Variants in SON observed in about 807,000 individuals in gnomAD.
SON encodes the protein SON DNA and RNA binding protein, also known as protein SON.
In SON, 4 loss-of-function variants were observed where a neutral mutation model predicts 173.3. The ratio of observed to expected loss-of-function variants is 0.02; its 90% confidence interval spans 0.01 to 0.05. The LOEUF (loss-of-function observed/expected upper bound fraction) is 0.05, where lower values mean the gene tolerates loss of function less well. Ranked by LOEUF, SON falls within the 10% of genes least tolerant of loss-of-function variation. The pLI is 1.00. For missense variants in SON, 2,626 were observed against 3,055.3 expected, an observed-to-expected ratio of 0.86 and a Z score of 3.31; for synonymous variants, 1,190 against 1,105.9, an observed-to-expected ratio of 1.08 and a Z score of -1.51.
chr21:33,569,391 A>G (rs369938352), intron 8 of SON: 62 of 351,088 alleles, frequency 1.8e-4, no homozygotes, highest in South Asian at 1.5e-3. Context: ...TGTTCAGAAT[A>G]TTCCACAGTT....
rs747679235 is a variant in SON at position 33,557,145 on chromosome 21, TC to T, written c.6161-10del. On this transcript the variant is annotated splice_polypyrimidine_tract_variant and intron_variant, in intron 3 of 11. Coordinates refer to ENST00000356577, the MANE Select transcript of SON (RefSeq NM_138927.4). ...TTAGGAAAACTGCAGCTTGTATTTT[TC>T]TTCTTACAGATAAGGCTCAATTACT... is the stretch of plus-strand genomic sequence containing the variant. 35 of 1,600,908 alleles carry T rather than the reference TC, an allele frequency of 2.2e-5. No individual in the cohort carries two copies. The highest frequency in any genetic ancestry group is 1.4e-5 in the Non-Finnish European group (17 of 1,177,008).
chr21:33,569,297 TATAAG>T, intron 8 of SON: 1 of 500,198 alleles, frequency 2.0e-6, no homozygotes, highest in Non-Finnish European at 3.6e-6. Flanking sequence ...GCCACTAACT[TATAAG>T]GTTATTTTAA....
At chr21:33,568,865 G>A (rs561619620) in intron 7 of SON, 106 bp from the exon 8 acceptor site, 1 of 648,904 alleles carries the variant, frequency 1.5e-6, no homozygotes, top group African/African-American at 1.9e-5. Flanking sequence ...TGTTTTAAAA[G>A]TTAAATATTT....
rs202105529 is a variant in SON at position 33,573,473 on chromosome 21, G to A, written c.7033+18G>A. 2.8e-4 allele frequency: 447 copies of A among 1,601,546 alleles called. 2 individuals are homozygous for A. The African/African-American group carries it at 4.3e-3, about 15-fold the overall frequency. The stretch of plus-strand genomic sequence containing the variant: ...CCGAAAAGGTAACAAGTTCTTTTTT[G>A]GAATGTTTATTAACGTCTCCTTTAA... On this transcript the variant is annotated intron_variant, in intron 9 of 11. Coordinates refer to ENST00000356577, the MANE Select transcript of SON (RefSeq NM_138927.4).
In SON at chr21:33,576,019, T is replaced by G. The variant is rs1601304245; in HGVS notation, c.7221+126T>G. On this transcript the variant is annotated intron_variant, in intron 11 of 11. Transcript: ENST00000356577. ...TGGGGGGTTTGTATTTGTAGTTAAG[T>G]GGTGGGGTTTTTAAACACTGAAGGG... The G allele has an allele frequency of 8.8e-6, 5 of 568,328 alleles. No individual in the cohort carries two copies. The East Asian group carries it at 1.5e-4, about 17-fold the overall frequency. The allele number at this position is 568,328 out of a possible 1,614,324, so 35.2% of individuals were successfully genotyped here. A position where few individuals can be genotyped will look rare whatever the true frequency, so the allele number is the denominator to read the frequency against.
intron 6 of SON, among the ~76,000 whole-genome samples, chr21:33,565,470 T>C (rs1321877044): frequency 1.3e-5 from 2 of 152,204 alleles, no homozygotes; most frequent in African/African-American, 4.8e-5. Flanking sequence ...TTGATAATCC[T>C]ACCTGACAAA....
intron 10 of SON, 51 bp downstream of exon 10, chr21:33,575,718 A>G (rs1475848181): frequency 6.3e-7 from 1 of 1,576,374 alleles, no homozygotes; most frequent in African/African-American, 1.4e-5. Flanking sequence ...CCTTGAATTC[A>G]TTATTTGTTG....
At chr21:33,543,517 CCGCCGCCGCGTATCCCCTCCCCCTCT>C (rs2085519241) in intron 1 of SON, 1 of 269,586 alleles carries the variant, frequency 3.7e-6, no homozygotes, top group Non-Finnish European at 6.9e-6. Context: ...AGCTCCTCCT[CCGCCGCCGCGTATCCCCTCCCCCTCT>C]CGCCTCCGCG....
chr21:33,559,541 G>A lies in SON; in HGVS notation c.6469-46G>A. The A allele has an allele frequency of 6.5e-7, 1 of 1,540,282 alleles. No homozygotes were observed. Among genetic ancestry groups the A allele is most frequent in the South Asian group, 1.2e-5 (1 of 83,408 alleles). On this transcript the variant is annotated intron_variant, in intron 5 of 11. Transcript: ENST00000356577. This position sits in a 1 kb window ranked among gnomAD's most constrained non-coding sequence, Gnocchi z 4.1. ...TGTAGAAAATCTCAAACCATTTAAT[G>A]TAGATATCATATTGAGCTTTAATTA...
rs893149017 is a variant in SON at position 33,550,168 on chromosome 21, C to T, written c.937C>T (p.Pro313Ser). 6.2e-7 allele frequency: 1 copy of T among 1,614,110 alleles called. No homozygotes were observed. Among genetic ancestry groups the T allele is most frequent in the Non-Finnish European group, 8.5e-7 (1 of 1,180,048 alleles). The change falls in exon 3 of 12, where the codon CCT becomes TCT. Residue 313 changes from proline to serine, a missense_variant. This residue lies in a region of SON where 757 missense variants were observed against 730.1 expected (regional missense o/e 1.04). Coordinates refer to ENST00000356577, the MANE Select transcript of SON (RefSeq NM_138927.4). ...AACCCTTGTGGTATCATCAGAGACA[C>T]CTACTGAGGTGTACCCTGAGCCAAG... ...SETLVVSSET[P>S]TEVYPEPSTS... is the part of the protein sequence containing the mutation.
chr21:33,563,427 T>C (rs2145859371), intron 6 of SON, among the ~76,000 whole-genome samples: 1 of 96,106 alleles, frequency 1.0e-5, no homozygotes, highest in South Asian at 3.4e-4. Flanking sequence ...TTGCTAAATA[T>C]TCTAAAATCA....
At chr21:33,571,728 T>TA (rs1435850274) in intron 8 of SON, 3 of 152,612 alleles carry the variant, frequency 2.0e-5, no homozygotes, top group Non-Finnish European at 4.4e-5. Context: ...TATTGTACTC[T>TA]GCACAGTTGC....
intron 8 of SON, 58 bp downstream of exon 8, chr21:33,569,145 CTG>C: frequency 1.9e-6 from 2 of 1,031,550 alleles, no homozygotes; most frequent in Non-Finnish European, 3.0e-6. Flanking sequence ...TTTTTGGAAA[CTG>C]TTTATTAAAA....
chr21:33,573,556 T>C, intron 9 of SON, 101 bp downstream of exon 9: 1 of 1,014,706 alleles, frequency 9.9e-7, no homozygotes, highest in East Asian at 2.4e-5. Context: ...GCACTTCTTG[T>C]ATATATACAG....
intron 7 of SON, 180 bp downstream of exon 7, chr21:33,567,447 A>G (rs1453752824): frequency 1.4e-5 from 8 of 588,988 alleles, no homozygotes; most frequent in African/African-American, 3.7e-5. Flanking sequence ...CATTTATTCA[A>G]TAAATGTTTA....
At chr21:33,546,486 T>TAC in intron 2 of SON, 107 bp downstream of exon 2, 1 of 939,374 alleles carries the variant, frequency 1.1e-6, no homozygotes, top group Non-Finnish European at 1.6e-6. Context: ...ATTTATTAAA[T>TAC]TAAAAACTTT....
At chr21:33,557,380 C>T (rs1601278035) in intron 4 of SON, 64 bp downstream of exon 4, 7 of 1,578,280 alleles carry the variant, frequency 4.4e-6, no homozygotes, top group East Asian at 2.3e-5. Context: ...GACTCTGGAG[C>T]GTGCCAAAAC....
chr21:33,567,950 A>G (rs957325659), intron 7 of SON, among the ~76,000 whole-genome samples: 14 of 152,112 alleles, frequency 9.2e-5, no homozygotes, highest in Non-Finnish European at 1.9e-4. Flanking sequence ...CCATAGTCAC[A>G]CAACTAATTA....
intron 2 of SON, among the ~76,000 whole-genome samples, chr21:33,549,258 A>G (rs1189623966): frequency 6.6e-6 from 1 of 152,052 alleles, no homozygotes; most frequent in African/African-American, 2.4e-5. Context: ...TATTTTTAGT[A>G]GAGATGGGGT....
Sources: gnomAD v4.1 joint callset for allele counts (sites outside exome capture counted in the v4.1 genomes callset) on GRCh38, gnomAD v4.1.1 for gene constraint, gnomAD v4.1.1 regional missense constraint, Gnocchi (gnomAD v3.1) non-coding constraint, MANE v1.5 for transcripts, NCBI Gene and HGNC (gene_info 2026-07-23, HGNC 2026-07-21) for gene names.